PCDH7: variants seen among roughly 807,000 people sequenced by gnomAD.
PCDH7 encodes protocadherin-7.
In PCDH7, 17 loss-of-function variants were observed where a neutral mutation model predicts 58.9. The observed-to-expected ratio is 0.29, with a 90% confidence interval of 0.20 to 0.43. The LOEUF is 0.43. Ranked by LOEUF, PCDH7 falls within the 20% of genes least tolerant of loss-of-function variation. PCDH7 has a pLI of 1.00. For synonymous variants in PCDH7, 664 were observed against 616.4 expected (o/e 1.08, Z -1.14); for missense variants, 1,274 against 1,441.0 (o/e 0.88, Z 1.88).
chr4:30,836,386 T>C (rs1730484515), intron 1 of PCDH7, among the ~76,000 whole-genome samples: 1 of 152,064 alleles, frequency 6.6e-6, no homozygotes, highest in African/African-American at 2.4e-5. Flanking sequence ...CCATATGAAA[T>C]AGAAAACCAC....
chr4:30,754,832 G>T (rs1460689818), intron 1 of PCDH7, among the ~76,000 whole-genome samples: 1 of 152,082 alleles, frequency 6.6e-6, no homozygotes, highest in East Asian at 1.9e-4. Flanking sequence ...TTTGATGGGT[G>T]TACCTAATTG....
intron 1 of PCDH7, among the ~76,000 whole-genome samples, chr4:30,796,896 G>A (rs576612366): frequency 6.6e-6 from 1 of 151,962 alleles, no homozygotes; most frequent in Middle Eastern, 3.4e-3. Flanking sequence ...AATTTTACAT[G>A]AGTAAATCCT....
At chr4:30,794,150 T>C (rs1271387497) in intron 1 of PCDH7, among the ~76,000 whole-genome samples, 1 of 152,198 alleles carries the variant, frequency 6.6e-6, no homozygotes, top group Non-Finnish European at 1.5e-5. Context: ...TGCCAGAAGA[T>C]TGGTTCTGCC....
At chr4:31,042,942 A>G (rs1756002274) in intron 3 of PCDH7, among the ~76,000 whole-genome samples, 1 of 152,120 alleles carries the variant, frequency 6.6e-6, no homozygotes, top group African/African-American at 2.4e-5. Flanking sequence ...GCTGGTGCAG[A>G]GTCCCAAGGA....
At chr4:31,019,134 C>T (rs1753829102) in intron 3 of PCDH7, among the ~76,000 whole-genome samples, 1 of 151,652 alleles carries the variant, frequency 6.6e-6, no homozygotes, top group African/African-American at 2.4e-5. Flanking sequence ...AATGTATTTA[C>T]CTAAATGTCC....
At chr4:30,952,071 C>T (rs1465610092) in intron 3 of PCDH7, among the ~76,000 whole-genome samples, 1 of 152,104 alleles carries the variant, frequency 6.6e-6, no homozygotes, top group Admixed American at 6.6e-5. Context: ...TAGCTTGTTG[C>T]TCTTGGCCAT....
chr4:30,994,447 C>T (rs1311838887), intron 3 of PCDH7, among the ~76,000 whole-genome samples: 1 of 152,132 alleles, frequency 6.6e-6, no homozygotes, highest in African/African-American at 2.4e-5. Flanking sequence ...ATTTTATCTT[C>T]GTTCTGTACC....
chr4:30,776,840 A>G (rs1046221604), intron 1 of PCDH7, among the ~76,000 whole-genome samples: 2 of 142,336 alleles, frequency 1.4e-5, no homozygotes, highest in Non-Finnish European at 3.0e-5. Context: ...CAGAAATATG[A>G]TTATAATTTT....
At chr4:30,987,021 A>G (rs1751032995) in intron 3 of PCDH7, among the ~76,000 whole-genome samples, 1 of 152,080 alleles carries the variant, frequency 6.6e-6, no homozygotes, top group Non-Finnish European at 1.5e-5. Context: ...TTTGGGCATA[A>G]CATTCTACAA....
rs549314625 is a variant in PCDH7 at position 30,980,094 on chromosome 4, T to C, written c.*7+29879T>C. Among the ~76,000 whole-genome samples the C allele has an allele frequency of 3.2e-4, 49 of 152,302 alleles. No individual in the cohort carries two copies. In the Middle Eastern group the frequency reaches 0.01, roughly 32 times the overall value. ...TAACAGTTTTAGGGAATAAGGAGCC[T>C]TCTGATTTCTTTGTTGCTTTATATA... On this transcript the variant is annotated intron_variant, in intron 3 of 3. Transcript: ENST00000509759.
intron 3 of PCDH7, among the ~76,000 whole-genome samples, chr4:31,051,301 C>T (rs1362161526): frequency 6.6e-6 from 1 of 152,084 alleles, no homozygotes; most frequent in African/African-American, 2.4e-5. Context: ...GACCATATCC[C>T]CTGCATCTGT....
intron 1 of PCDH7, among the ~76,000 whole-genome samples, chr4:30,907,688 G>T (rs1741146942): frequency 6.6e-6 from 1 of 152,194 alleles, no homozygotes; most frequent in Non-Finnish European, 1.5e-5. Flanking sequence ...GGAAGACAGT[G>T]TGGCGATTCC....
At chr4:31,138,846 C>T (rs142806260) in intron 3 of PCDH7, among the ~76,000 whole-genome samples, 6 of 151,810 alleles carry the variant, frequency 4.0e-5, no homozygotes, top group East Asian at 3.9e-4. Context: ...GGTAGTGGTG[C>T]GCGCCTATAA....
At chr4:30,756,649 T>C (rs948006878) in intron 1 of PCDH7, among the ~76,000 whole-genome samples, 16 of 152,224 alleles carry the variant, frequency 1.1e-4, no homozygotes, top group African/African-American at 3.1e-4. Context: ...TATCCCTGTA[T>C]GTTACGCCAC....
chr4:31,133,352 C>A (rs1719211791), intron 3 of PCDH7, among the ~76,000 whole-genome samples: 1 of 151,962 alleles, frequency 6.6e-6, no homozygotes. Flanking sequence ...GTATATAATT[C>A]CCGAGCAAGT....
At chr4:31,124,854 C>T (rs2109328516) in intron 3 of PCDH7, among the ~76,000 whole-genome samples, 1 of 152,280 alleles carries the variant, frequency 6.6e-6, no homozygotes, top group East Asian at 1.9e-4. Context: ...CTGTCCAAAT[C>T]ATACTCCTTT....
At chr4:30,966,856 A>G (rs1749040439) in intron 3 of PCDH7, among the ~76,000 whole-genome samples, 1 of 152,142 alleles carries the variant, frequency 6.6e-6, no homozygotes, top group Non-Finnish European at 1.5e-5. Context: ...TTCTTGTGAG[A>G]GAACATAATT....
intron 3 of PCDH7, among the ~76,000 whole-genome samples, chr4:30,960,397 G>T (rs1748301717): frequency 1.3e-5 from 2 of 152,246 alleles, no homozygotes; most frequent in South Asian, 4.1e-4. Context: ...AGTAAACCAG[G>T]TAGTTTATGA....
At chr4:30,830,505 CT>C (rs1229449590) in intron 1 of PCDH7, among the ~76,000 whole-genome samples, 3 of 151,852 alleles carry the variant, frequency 2.0e-5, no homozygotes, top group Non-Finnish European at 2.9e-5. Flanking sequence ...ATTTTAGTTC[CT>C]TTTTTAATCA....
Sources: allele counts gnomAD v4.1 joint callset (sites outside exome capture counted in the v4.1 genomes callset), GRCh38; gene constraint gnomAD v4.1.1; transcripts MANE v1.5; gene names NCBI Gene and HGNC (gene_info 2026-07-23, HGNC 2026-07-21).